CLPTM1: variants seen among roughly 807,000 people sequenced by gnomAD.
The protein encoded by CLPTM1 is CLPTM1 regulator of GABA type A receptor forward trafficking.
In CLPTM1, 21 loss-of-function variants were observed where a neutral mutation model predicts 77.3. The observed-to-expected ratio is 0.27, with a 90% confidence interval of 0.19 to 0.39. The LOEUF is 0.39. Ranked by LOEUF, CLPTM1 falls within the 10% of genes least tolerant of loss-of-function variation. The pLI, the probability that CLPTM1 is intolerant of heterozygous loss-of-function variation, is 1.00. For missense variants in CLPTM1, 642 were observed against 921.2 expected (o/e 0.70, Z 3.92); for synonymous variants, 373 against 381.0 (o/e 0.98, Z 0.24).
upstream of CLPTM1, chr19:44,954,810 A>C: frequency 8.1e-7 from 1 of 1,241,816 alleles, no homozygotes; most frequent in Non-Finnish European, 1.1e-6. Flanking sequence ...GACCCCTGGA[A>C]TTGGAACTCT....
At chr19:44,970,027 C>T (rs1257073253) in intron 2 of CLPTM1, among the ~76,000 whole-genome samples, 1 of 147,506 alleles carries the variant, frequency 6.8e-6, no homozygotes, top group Admixed American at 6.7e-5. Flanking sequence ...CTCATAATGT[C>T]GTTTCCTTTT....
chr19:44,963,745 G>T (rs1970582906), intron 2 of CLPTM1, among the ~76,000 whole-genome samples: 1 of 152,046 alleles, frequency 6.6e-6, no homozygotes, highest in Admixed American at 6.6e-5. Context: ...TCAGCCTCCT[G>T]AGCAGCTGGA....
chr19:44,992,174 A>G lies in CLPTM1; in HGVS notation c.1556-59A>G, dbSNP rs1971085877. The stretch of plus-strand genomic sequence containing the variant: ...GAGGGGGCTGGTATGGCCAGTGCAG[A>G]GTGCACAGGGGAGAGGTGGGAGAGG... On this transcript the variant is annotated intron_variant, in intron 12 of 13. Coordinates refer to ENST00000337392, the MANE Select transcript of CLPTM1 (RefSeq NM_001294.4). The surrounding 1 kb of genome is among the most constrained non-coding windows in gnomAD (Gnocchi z 7.7). The G allele has an allele frequency of 6.4e-7, 1 of 1,568,904 alleles. No individual in the cohort carries two copies. Among genetic ancestry groups the G allele is most frequent in the Non-Finnish European group, 8.8e-7 (1 of 1,142,822 alleles).
At chr19:44,955,638 C>T (rs1291072968) in intron 1 of CLPTM1, 171 bp downstream of exon 1, 7 of 586,868 alleles carry the variant, frequency 1.2e-5, no homozygotes, top group Non-Finnish European at 1.5e-5. Context: ...CGGACGGTGC[C>T]GGGAACAGGG....
At position 44,992,821 on chromosome 19, in the gene CLPTM1, C is replaced by G. The variant is rs371810344; in HGVS notation, c.1934C>G (p.Pro645Arg). Residue 645 changes from proline to arginine, a missense_variant, in exon 14 of 14, where the codon CCC (proline) becomes CGC (arginine). Coordinates refer to ENST00000337392, the MANE Select transcript of CLPTM1 (RefSeq NM_001294.4). This position sits in a 1 kb window ranked among gnomAD's most constrained non-coding sequence, Gnocchi z 7.7. ...GCCTCCACGTCCCTGCCCACCAAGC[C>G]CACCCAGGGGGCCAGCTCTGCCAGC... ...EEASTSLPTK[P>R]TQGASSASEP... 56 of 1,613,570 alleles carry G rather than the reference C, an allele frequency of 3.5e-5. No individual in the cohort carries two copies. The highest frequency in any genetic ancestry group is 4.6e-5 in the Non-Finnish European group (54 of 1,179,888).
chr19:44,991,221 A>G lies in CLPTM1; in HGVS notation c.1420-17A>G. ...GGCTGAGGAGCTGGCTGACAGCCCC[A>G]CCCTGTGGCCCCACAGATGGCATTC... On this transcript the variant is annotated splice_polypyrimidine_tract_variant and intron_variant, in intron 11 of 13. Coordinates refer to ENST00000337392, the MANE Select transcript of CLPTM1 (RefSeq NM_001294.4). The surrounding 1 kb of genome is among the most constrained non-coding windows in gnomAD (Gnocchi z 5.4). The G allele has an allele frequency of 6.2e-7, 1 of 1,613,482 alleles. No individual in the cohort carries two copies. Among genetic ancestry groups the G allele is most frequent in the East Asian group, 2.2e-5 (1 of 44,856 alleles).
At chr19:44,966,903 G>A (rs1274040315) in intron 2 of CLPTM1, among the ~76,000 whole-genome samples, 4 of 151,916 alleles carry the variant, frequency 2.6e-5, no homozygotes, top group Middle Eastern at 3.4e-3. Context: ...GTGCAGTGGC[G>A]CGATCTCGGC....
intron 3 of CLPTM1, among the ~76,000 whole-genome samples, chr19:44,973,512 G>A (rs1022245658): frequency 6.6e-6 from 1 of 152,194 alleles, no homozygotes; most frequent in African/African-American, 2.4e-5. Context: ...GCCTTTCAGG[G>A]TTGCAGAGGG....
chr19:44,979,911 C>T (rs1970867773), intron 5 of CLPTM1, among the ~76,000 whole-genome samples: 1 of 152,166 alleles, frequency 6.6e-6, no homozygotes, highest in Non-Finnish European at 1.5e-5. Flanking sequence ...GTGGGTGGCT[C>T]TTCACCCTAT....
intron 1 of CLPTM1, among the ~76,000 whole-genome samples, chr19:44,958,174 T>C (rs1401570642): frequency 6.6e-6 from 1 of 151,876 alleles, no homozygotes; most frequent in Non-Finnish European, 1.5e-5. Flanking sequence ...GTCCCAAAGA[T>C]ACACGAGGGA....
intron 4 of CLPTM1, among the ~76,000 whole-genome samples, chr19:44,976,062 C>A (rs974763493): frequency 6.6e-6 from 1 of 152,116 alleles, no homozygotes; most frequent in African/African-American, 2.4e-5. Context: ...AACATGTTTC[C>A]CAGGCTGGTC....
upstream of CLPTM1, chr19:44,955,027 C>A (rs781107439): frequency 6.5e-7 from 1 of 1,535,584 alleles, no homozygotes; most frequent in Non-Finnish European, 8.7e-7. Flanking sequence ...GAAAAGGACG[C>A]GAAGAATCGG....
intron 4 of CLPTM1, among the ~76,000 whole-genome samples, chr19:44,975,893 T>A (rs1016698165): frequency 2.3e-4 from 35 of 152,024 alleles, no homozygotes; most frequent in African/African-American, 8.0e-4. Flanking sequence ...GATGGGGTCT[T>A]GCTCTGTTGC....
At chr19:44,975,344 C>T (rs1409686950) in intron 4 of CLPTM1, among the ~76,000 whole-genome samples, 3 of 152,242 alleles carry the variant, frequency 2.0e-5, no homozygotes, top group African/African-American at 7.2e-5. Flanking sequence ...ATGTCCCCAG[C>T]ACTGCCCAAC....
Position 44,974,491 on chromosome 19 carries a change from C to T in CLPTM1, c.362C>T (p.Thr121Met), listed in dbSNP as rs1376192635. 12 of 1,614,058 alleles carry T rather than the reference C, an allele frequency of 7.4e-6. No homozygotes were observed. Among genetic ancestry groups the T allele is most frequent in the African/African-American group, 2.7e-5 (2 of 74,918 alleles). ...EHEHFTDFNA[T>M]SALFWEQHDL... is the part of the protein sequence containing the mutation. ...GAGCACTTTACAGACTTCAACGCCA[C>T]GTCGGCACTCTTCTGGGAACAGCAC... The change falls in exon 4 of 14, where the codon ACG becomes ATG. Residue 121 changes from threonine (T) to methionine (M), a missense_variant. By Grantham distance (81) the Thr-to-Met change is moderately conservative (BLOSUM62 -1). Coordinates refer to ENST00000337392, the MANE Select transcript of CLPTM1 (RefSeq NM_001294.4).
intron 5 of CLPTM1, among the ~76,000 whole-genome samples, chr19:44,982,310 C>T (rs1048599984): frequency 6.6e-6 from 1 of 151,130 alleles, no homozygotes; most frequent in African/African-American, 2.4e-5. Context: ...AATCGTGCCA[C>T]TGCACTCTAG....
intron 1 of CLPTM1, among the ~76,000 whole-genome samples, chr19:44,958,979 A>T (rs1397241954): frequency 6.6e-6 from 1 of 152,220 alleles, no homozygotes; most frequent in Non-Finnish European, 1.5e-5. Flanking sequence ...ATAGATCTGC[A>T]GTTGTTCATT....
At chr19:44,984,812 G>A (rs1467337425) in intron 5 of CLPTM1, among the ~76,000 whole-genome samples, 1 of 152,038 alleles carries the variant, frequency 6.6e-6, no homozygotes, top group Non-Finnish European at 1.5e-5. Context: ...TCAGCCTTCC[G>A]AGTAGCTGGG....
chr19:44,958,908 C>G (rs900168620), intron 1 of CLPTM1, among the ~76,000 whole-genome samples: 5 of 152,228 alleles, frequency 3.3e-5, no homozygotes, highest in African/African-American at 1.2e-4. Context: ...TAAACAACAT[C>G]CAGTCTTTTG....
Sources: gnomAD v4.1 joint callset for allele counts (sites outside exome capture counted in the v4.1 genomes callset) on GRCh38, gnomAD v4.1.1 for gene constraint, Gnocchi (gnomAD v3.1) non-coding constraint, MANE v1.5 for transcripts, NCBI Gene and HGNC (gene_info 2026-07-23, HGNC 2026-07-21) for gene names.